Variants in ERLIN1 observed in about 807,000 individuals in gnomAD.
The protein encoded by ERLIN1 is ER lipid raft associated 1, also known as erlin-1.
Under a neutral mutation model 46.9 loss-of-function variants are expected in ERLIN1, and 24 were observed. The ratio of observed to expected loss-of-function variants is 0.51; its 90% CI spans 0.37 to 0.72. The LOEUF (loss-of-function observed/expected upper bound fraction) is 0.72, where lower values mean the gene tolerates loss of function less well. ERLIN1 is among the 30% of genes least tolerant of loss of function. The pLI is 0.00. For synonymous variants in ERLIN1, 158 were observed against 143.2 expected (o/e 1.10, Z -0.74); for missense variants, 293 against 417.9 (o/e 0.70, Z 2.61).
chr10:100,151,678 A>G lies in ERLIN1; in HGVS notation c.*453T>C, dbSNP rs575353758. ...TGAAGGCTGGGACTGGATCCCAAAG[A>G]AAGGGCCTGGGTCCCAGGTGCAATC... On this transcript the variant is annotated 3_prime_UTR_variant, in exon 11 of 11. Coordinates refer to ENST00000421367, the MANE Select transcript of ERLIN1 (RefSeq NM_006459.4). The G allele has an allele frequency of 4.4e-6, 1 of 226,038 alleles. No individual in the cohort carries two copies. Among genetic ancestry groups the G allele is most frequent in the African/African-American group, 2.3e-5 (1 of 44,126 alleles). The allele number at this position is 226,038 out of a possible 1,614,324, so 14.0% of individuals were successfully genotyped here.
chr10:100,185,746 G>A lies in ERLIN1; in HGVS notation c.-120C>T. On this transcript the variant is annotated 5_prime_UTR_variant, in exon 1 of 11. Transcript: ENST00000421367. ...GGCGCTCTCTCGCAGGCTGAGCCGG[G>A]GAGTCCAGTACCCCTGTCCCCTCAT... 1.3e-6 allele frequency: 1 copy of A among 764,384 alleles called. No individual in the cohort carries two copies. The highest frequency in any genetic ancestry group is 1.6e-5 in the South Asian group (1 of 63,254). 47.4% of individuals were successfully genotyped at this position (764,384 alleles called of 1,614,324 possible).
chr10:100,151,778 G>GCCGT lies in ERLIN1; in HGVS notation c.*352_*353insACGG. 2 of 331,676 alleles carry GCCGT rather than the reference G, an allele frequency of 6.0e-6. No homozygotes were observed. The highest frequency in any genetic ancestry group is 7.5e-5 in the East Asian group (1 of 13,274). The allele number at this position is 331,676 out of a possible 1,614,324, so 20.5% of individuals were successfully genotyped here. A position where few individuals can be genotyped will look rare whatever the true frequency, so the allele number is the denominator to read the frequency against. ...CTGAGCATACATTTCCCCGGGGGAC[G>GCCGT]AATGTAAACATTATTCAACAGATCT... On this transcript the variant is annotated 3_prime_UTR_variant, in exon 11 of 11. Coordinates refer to ENST00000421367, the MANE Select transcript of ERLIN1 (RefSeq NM_006459.4).
Position 100,164,070 on chromosome 10 carries a change from T to C in ERLIN1, c.589A>G (p.Ile197Val). The C allele has an allele frequency of 4.3e-6, 7 of 1,613,286 alleles. No homozygotes were observed. Among genetic ancestry groups the C allele is most frequent in the Non-Finnish European group, 5.9e-6 (7 of 1,179,502 alleles). The part of the protein sequence containing the change: ...LMEAEKTKLL[I>V]AAQKQKVVEK... ...ACAACCTTTTGTTTCTGTGCAGCTA[T>C]AAGGAGTTTTGTCTTCTCAGCCTCC... The change falls in exon 8 of 11, where the codon ATA becomes GTA. Residue 197 changes from isoleucine (I) to valine (V), a missense_variant. This residue lies in a region of ERLIN1 where 148 missense variants were observed against 266.5 expected (regional missense o/e 0.56). Coordinates refer to ENST00000421367, the MANE Select transcript of ERLIN1 (RefSeq NM_006459.4).
chr10:100,176,721 C>T (rs1049173543), intron 4 of ERLIN1, among the ~76,000 whole-genome samples: 6 of 152,136 alleles, frequency 3.9e-5, no homozygotes, highest in Non-Finnish European at 5.9e-5. Flanking sequence ...TACTAGACCA[C>T]GTCAGAACCT....
chr10:100,164,792 T>C lies in ERLIN1; in HGVS notation c.564-697A>G, dbSNP rs1488586901. On this transcript the variant is annotated intron_variant, in intron 7 of 10. Transcript: ENST00000421367. ...AGCACTTAAGGTAAACTTTGTTTCA[T>C]GCACAAAATTATTTAAAATATTTTA... 5.9e-5 allele frequency among the ~76,000 whole-genome samples: 9 copies of C among 152,198 alleles called. No homozygotes were observed. In the East Asian group the frequency reaches 1.7e-3, roughly 29 times the overall value.
Position 100,173,390 on chromosome 10 carries a change from T to C in ERLIN1, c.504+818A>G, listed in dbSNP as rs115387553. On this transcript the variant is annotated intron_variant, in intron 6 of 10. Coordinates refer to ENST00000421367, the MANE Select transcript of ERLIN1 (RefSeq NM_006459.4). ...AAACACATTTTGCACTGACGTCCAA[T>C]ATAAACACCTACCCCGCCACACTGT... Among the ~76,000 whole-genome samples, 431 of 152,282 alleles carry C rather than the reference T, an allele frequency of 2.8e-3. 2 individuals carry two copies. The highest frequency in any genetic ancestry group is 9.5e-3 in the African/African-American group (396 of 41,558).
chr10:100,172,926 A>G (rs1844085676), intron 6 of ERLIN1, among the ~76,000 whole-genome samples: 2 of 152,218 alleles, frequency 1.3e-5, no homozygotes, highest in South Asian at 4.1e-4. Context: ...GCTGACCTTC[A>G]CATTCACTAT....
At chr10:100,177,221 C>T (rs780790844) in intron 4 of ERLIN1, among the ~76,000 whole-genome samples, 6 of 152,110 alleles carry the variant, frequency 3.9e-5, no homozygotes, top group Non-Finnish European at 7.4e-5. Flanking sequence ...AAATAGTTTC[C>T]TATTTAATCT....
intron 4 of ERLIN1, among the ~76,000 whole-genome samples, chr10:100,176,710 A>T (rs1168255107): frequency 6.6e-6 from 1 of 152,222 alleles, no homozygotes; most frequent in Non-Finnish European, 1.5e-5. Context: ...CAAAAGGTAC[A>T]TACTAGACCA....
chr10:100,159,739 C>G (rs963300572), intron 8 of ERLIN1, among the ~76,000 whole-genome samples: 1 of 151,768 alleles, frequency 6.6e-6, no homozygotes, highest in Admixed American at 6.6e-5. Context: ...ATACAAAGTA[C>G]ATTTCAAAAC....
chr10:100,172,430 C>T (rs1844056620), intron 6 of ERLIN1, among the ~76,000 whole-genome samples: 1 of 152,114 alleles, frequency 6.6e-6, no homozygotes, highest in Admixed American at 6.5e-5. Flanking sequence ...TTTTCTACAA[C>T]ATAAATAACG....
chr10:100,169,938 A>G (rs1042353128), intron 6 of ERLIN1, among the ~76,000 whole-genome samples: 1 of 152,134 alleles, frequency 6.6e-6, no homozygotes, highest in Admixed American at 6.5e-5. Context: ...GAATCACTTG[A>G]GCCCAGGAGT....
intron 7 of ERLIN1, among the ~76,000 whole-genome samples, 186 bp from the exon 8 acceptor site, chr10:100,164,281 G>T (rs771686145): frequency 2.6e-5 from 4 of 152,186 alleles, no homozygotes. Context: ...AAGATTCAAT[G>T]ATTTGCCCAA....
intron 8 of ERLIN1, among the ~76,000 whole-genome samples, chr10:100,163,381 A>AG (rs1843463432): frequency 6.6e-6 from 1 of 151,540 alleles, no homozygotes; most frequent in East Asian, 1.9e-4. Context: ...TTTTTCTTAA[A>AG]AAAAAAAAAA....
intron 2 of ERLIN1, 48 bp downstream of exon 2, chr10:100,183,708 G>T: frequency 1.5e-6 from 2 of 1,293,048 alleles, no homozygotes; most frequent in Non-Finnish European, 2.2e-6. Flanking sequence ...GGTAACTCCT[G>T]TCATGCCTGT....
At chr10:100,181,796 G>A (rs990320524) in intron 2 of ERLIN1, among the ~76,000 whole-genome samples, 2 of 152,148 alleles carry the variant, frequency 1.3e-5, no homozygotes, top group African/African-American at 4.8e-5. Flanking sequence ...TTACAGGCGT[G>A]AGCCGCCACG....
chr10:100,159,352 T>C (rs896845231), intron 8 of ERLIN1, among the ~76,000 whole-genome samples: 3 of 152,090 alleles, frequency 2.0e-5, no homozygotes, highest in South Asian at 2.1e-4. Context: ...TTCTCAGTAA[T>C]TGATAGGTCA....
chr10:100,175,784 T>A (rs1268208543), intron 5 of ERLIN1, among the ~76,000 whole-genome samples, 161 bp downstream of exon 5: 1 of 152,212 alleles, frequency 6.6e-6, no homozygotes, highest in East Asian at 1.9e-4. Flanking sequence ...ATATAAAAAA[T>A]TTTAAACTTA....
At position 100,154,923 on chromosome 10, in the gene ERLIN1, G is replaced by T. The variant is rs143495333; in HGVS notation, c.762C>A (p.Ala254=). The change falls in exon 10 of 11, where the codon GCC becomes GCA. Residue 254 remains alanine, a synonymous_variant. Transcript: ENST00000421367. ...ISEIEDAAFL[A]REKAKADAEY... ...CAGCATCTGCTTTCGCTTTCTCTCG[G>T]GCCAGGAATGCAGCATCTAGCAAAT... The T allele has an allele frequency of 1.5e-4, 250 of 1,613,686 alleles. No homozygotes were observed. In the Middle Eastern group the frequency reaches 2.1e-3, roughly 14 times the overall value.
Sources: allele counts gnomAD v4.1 joint callset (sites outside exome capture counted in the v4.1 genomes callset), GRCh38; gene constraint gnomAD v4.1.1; regional missense constraint gnomAD v4.1.1; transcripts MANE v1.5; gene names NCBI Gene and HGNC (gene_info 2026-07-23, HGNC 2026-07-21).